The following CLIC5 variants were observed in gnomAD, a reference collection of about 807,000 sequenced individuals.
CLIC5 encodes CLIC family member 5.
CLIC5 carries 20 observed loss-of-function variants against 24.7 expected under a neutral mutation model. The ratio of observed to expected loss-of-function variants is 0.81; its 90% CI spans 0.57 to 1.18. The LOEUF is 1.18. Among genes scored for constraint, CLIC5 ranks in the 50% most tolerant of loss-of-function variants. The pLI is 0.00. For synonymous variants in CLIC5, 159 were observed against 135.6 expected, an observed-to-expected ratio of 1.17 and a Z score of -1.20; for missense variants, 341 against 326.1, an observed-to-expected ratio of 1.05 and a Z score of -0.35.
rs374915599 is a variant in CLIC5, at chr6:45,928,092, C to T, written c.406+13455G>A. ...TGAGATGGGGTGGAGTGCCTTCCTG[C>T]AAGACGGCGCTGGAGCAGGATTTGA... On this transcript the variant is annotated intron_variant, in intron 4 of 5. Transcript: ENST00000339561. Among the ~76,000 whole-genome samples the T allele has an allele frequency of 4.6e-5, 7 of 152,182 alleles. No individual in the cohort carries two copies. The East Asian group carries it at 1.2e-3, about 25-fold the overall frequency.
At chr6:46,005,980 G>GTATATATATATATATATATATTTATA (rs35395134) in intron 1 of CLIC5, among the ~76,000 whole-genome samples, 5 of 117,694 alleles carry the variant, frequency 4.2e-5, no homozygotes, top group Non-Finnish European at 3.4e-5. Context: ...GCCTATGTGT[G>GTATATATATATATATATATATTTATA]TATATATATA....
chr6:46,061,057 G>A lies in CLIC5; in HGVS notation c.540+18646C>T, dbSNP rs576770942. 1.2e-4 allele frequency among the ~76,000 whole-genome samples: 18 copies of A among 152,332 alleles called. No homozygotes were observed. In the South Asian group the frequency reaches 3.5e-3, roughly 30 times the overall value. Reference sequence around the variant, plus strand: ...TTTGACATATTAAAGAGAGACATAGGAAGGAATAGGCAATAGACGAGAGGC... The same window carrying A: ...TTTGACATATTAAAGAGAGACATAGAAAGGAATAGGCAATAGACGAGAGGC... On this transcript the variant is annotated intron_variant, in intron 1 of 5. Transcript: ENST00000185206.
intron 1 of CLIC5, among the ~76,000 whole-genome samples, chr6:45,959,240 G>C (rs974246288): frequency 6.6e-6 from 1 of 152,160 alleles, no homozygotes; most frequent in Non-Finnish European, 1.5e-5. Context: ...GATTGTTGAG[G>C]ATCCCAGAAA....
At chr6:45,933,540 A>C (rs1763823331) in intron 4 of CLIC5, among the ~76,000 whole-genome samples, 1 of 152,246 alleles carries the variant, frequency 6.6e-6, no homozygotes, top group South Asian at 2.1e-4. Context: ...GAAGGTTTTT[A>C]GGGCTTTCTT....
chr6:46,016,806 C>G (rs1184880784), upstream of CLIC5, among the ~76,000 whole-genome samples: 1 of 152,220 alleles, frequency 6.6e-6, no homozygotes, highest in Non-Finnish European at 1.5e-5. Flanking sequence ...TGGCTTGTAG[C>G]AGCATAGGAT....
chr6:45,954,901 T>A (rs1291552711), intron 2 of CLIC5, among the ~76,000 whole-genome samples: 1 of 152,240 alleles, frequency 6.6e-6, no homozygotes, highest in Non-Finnish European at 1.5e-5. Context: ...CATTCCTTGC[T>A]TCTTCTTTGC....
intron 1 of CLIC5, among the ~76,000 whole-genome samples, chr6:45,974,560 G>GAA (rs1765323685): frequency 1.5e-5 from 2 of 129,504 alleles, no homozygotes; most frequent in African/African-American, 5.8e-5. Context: ...GAGAGAGAGA[G>GAA]AGAGAAAGAG....
intron 1 of CLIC5, among the ~76,000 whole-genome samples, chr6:46,001,012 T>C (rs1461972130): frequency 3.9e-5 from 6 of 152,230 alleles, no homozygotes; most frequent in African/African-American, 1.4e-4. Flanking sequence ...CAACAAGGCA[T>C]TCCCTTTGAG....
chr6:46,042,123 A>G (rs1409199751), intron 1 of CLIC5, among the ~76,000 whole-genome samples: 3 of 152,218 alleles, frequency 2.0e-5, no homozygotes, highest in Non-Finnish European at 4.4e-5. Context: ...AGGAAGGAGA[A>G]TAATAAATCC....
intron 1 of CLIC5, among the ~76,000 whole-genome samples, chr6:45,958,445 T>TACACACACACACACACACACACACACAC (rs1414421064): frequency 0.064 from 4,904 of 76,138 alleles, 686 homozygotes; most frequent in Non-Finnish European, 0.099. Context: ...TATATATATA[T>TACACACACACACACACACACACACACAC]ATATATATAT....
the CLIC5 span, among the ~76,000 whole-genome samples, chr6:46,100,807 G>C: frequency 6.6e-6 from 1 of 152,128 alleles, no homozygotes; most frequent in Non-Finnish European, 1.5e-5. Context: ...TTGGAGAAAA[G>C]GCATACAAAT....
At chr6:45,886,891 G>T (rs1762310017) in intron 6 of CLIC5, among the ~76,000 whole-genome samples, 1 of 152,166 alleles carries the variant, frequency 6.6e-6, no homozygotes, top group African/African-American at 2.4e-5. Flanking sequence ...AGGGAGCTAG[G>T]CTTCTGATCT....
chr6:46,073,361 T>C (rs1762672537), intron 1 of CLIC5, among the ~76,000 whole-genome samples: 1 of 152,172 alleles, frequency 6.6e-6, no homozygotes, highest in African/African-American at 2.4e-5. Flanking sequence ...AGATAGATAA[T>C]ATATAAATCA....
chr6:45,935,184 T>C (rs952831934), intron 4 of CLIC5, among the ~76,000 whole-genome samples: 1 of 152,050 alleles, frequency 6.6e-6, no homozygotes, highest in Admixed American at 6.5e-5. Context: ...GAAGTCCACA[T>C]CCTCTTAGGA....
chr6:45,888,396 G>A (rs925193455), intron 6 of CLIC5, among the ~76,000 whole-genome samples: 1 of 152,134 alleles, frequency 6.6e-6, no homozygotes, highest in Non-Finnish European at 1.5e-5. Flanking sequence ...AGAGTTTCAG[G>A]GAAAGAGAGA....
At chr6:45,929,408 C>T (rs140792636) in intron 4 of CLIC5, among the ~76,000 whole-genome samples, 6 of 152,200 alleles carry the variant, frequency 3.9e-5, no homozygotes, top group African/African-American at 1.4e-4. Context: ...CCCACCAGAC[C>T]TCCGAGGTGG....
At chr6:46,073,972 C>A (rs765391515) in intron 1 of CLIC5, among the ~76,000 whole-genome samples, 12 of 152,114 alleles carry the variant, frequency 7.9e-5, no homozygotes, top group Admixed American at 2.0e-4. Flanking sequence ...ATGAAAGCAT[C>A]CAGGAAGAAC....
intron 1 of CLIC5, among the ~76,000 whole-genome samples, chr6:46,049,456 G>A (rs1178874180): frequency 6.6e-6 from 1 of 152,060 alleles, no homozygotes; most frequent in Non-Finnish European, 1.5e-5. Flanking sequence ...CTAGCAGATA[G>A]GAATAGTTGA....
At chr6:45,997,451 A>C (rs970466222) in intron 1 of CLIC5, among the ~76,000 whole-genome samples, 1 of 150,932 alleles carries the variant, frequency 6.6e-6, no homozygotes, top group African/African-American at 2.4e-5. Flanking sequence ...ACATGTATAC[A>C]TATGTAACTA....
Sources: gnomAD v4.1 joint callset for allele counts (sites outside exome capture counted in the v4.1 genomes callset) on GRCh38, gnomAD v4.1.1 for gene constraint, MANE v1.5 for transcripts, NCBI Gene and HGNC (gene_info 2026-07-23, HGNC 2026-07-21) for gene names.